SCMH1: variants seen among roughly 807,000 people sequenced by gnomAD.
The protein encoded by SCMH1 is Scm polycomb group protein homolog 1.
A neutral mutation model predicts 70.8 loss-of-function variants in SCMH1; 37 were observed. The ratio of observed to expected loss-of-function variants is 0.52; its 90% CI spans 0.40 to 0.69. The LOEUF (loss-of-function observed/expected upper bound fraction) is 0.69. SCMH1 is among the 30% of genes least tolerant of loss of function. SCMH1 has a pLI of 0.00. For synonymous variants in SCMH1, 292 were observed against 307.4 expected (o/e 0.95, Z 0.52); for missense variants, 607 against 827.3 (o/e 0.73, Z 3.27).
intron 9 of SCMH1, 68 bp from the exon 10 acceptor site, chr1:41,070,789 T>A: frequency 6.3e-7 from 1 of 1,577,858 alleles, no homozygotes; most frequent in Non-Finnish European, 8.6e-7. Flanking sequence ...TCTTGGCACT[T>A]AATTCACTCA....
chr1:41,049,509 C>A lies in SCMH1; in HGVS notation c.1106-619G>T, dbSNP rs1044524559. Among the ~76,000 whole-genome samples the A allele has an allele frequency of 2.0e-5, 3 of 151,546 alleles. No homozygotes were observed. In the East Asian group the frequency reaches 5.8e-4, roughly 29 times the overall value. On this transcript the variant is annotated intron_variant, in intron 10 of 14. Transcript: ENST00000337495. ...AAGTTGGGCTGGGCGTGGTGGCTCA[C>A]GCCTGTAATCCCAGCACTTTGGGAG...
intron 13 of SCMH1, 151 bp downstream of exon 14, chr1:41,033,832 G>T (rs183644890): frequency 1.9e-6 from 2 of 1,027,478 alleles, no homozygotes; most frequent in Admixed American, 2.3e-5. Context: ...CTGGCAGACA[G>T]ACTCATGGTG....
intron 1 of SCMH1, among the ~76,000 whole-genome samples, chr1:41,216,234 T>A (rs976716927): frequency 2.0e-5 from 3 of 152,210 alleles, no homozygotes; most frequent in Admixed American, 1.3e-4. Flanking sequence ...TTATGGAGCA[T>A]CTTCTAAGAG....
intron 13 of SCMH1, 106 bp downstream of exon 13, chr1:41,037,256 G>T: frequency 1.7e-6 from 2 of 1,159,274 alleles, no homozygotes; most frequent in African/African-American, 1.5e-5. Context: ...CCCACCACCA[G>T]GCAGAGGGCA....
At chr1:41,069,307 G>A (rs769210877) in intron 10 of SCMH1, among the ~76,000 whole-genome samples, 15 of 152,170 alleles carry the variant, frequency 9.9e-5, no homozygotes, top group Non-Finnish European at 1.9e-4. Flanking sequence ...ATCTTCTAGA[G>A]TGGGTAGTCA....
chr1:41,083,920 C>G (rs969072233), intron 8 of SCMH1, among the ~76,000 whole-genome samples: 1 of 152,060 alleles, frequency 6.6e-6, no homozygotes, highest in Non-Finnish European at 1.5e-5. Flanking sequence ...ACTGGCTGGC[C>G]GTATGTAGAA....
At chr1:41,065,263 G>T (rs1050391350) in intron 10 of SCMH1, among the ~76,000 whole-genome samples, 4 of 152,144 alleles carry the variant, frequency 2.6e-5, no homozygotes, top group African/African-American at 7.2e-5. Flanking sequence ...TGGGAAGACT[G>T]CATGAGCCCA....
chr1:41,182,910 C>T (rs1047237053), intron 2 of SCMH1, among the ~76,000 whole-genome samples: 1 of 152,032 alleles, frequency 6.6e-6, no homozygotes, highest in African/African-American at 2.4e-5. Context: ...AGGCAACTGT[C>T]CCAAAATAAA....
chr1:41,116,693 G>A (rs967151674), intron 7 of SCMH1, among the ~76,000 whole-genome samples: 6 of 152,066 alleles, frequency 3.9e-5, no homozygotes, highest in Admixed American at 6.6e-5. Flanking sequence ...TAACAAGCCC[G>A]ACAGGTAAAC....
chr1:41,153,765 A>C (rs1052463047), intron 4 of SCMH1, among the ~76,000 whole-genome samples: 3 of 152,162 alleles, frequency 2.0e-5, no homozygotes, highest in Non-Finnish European at 4.4e-5. Context: ...CCTTATTATC[A>C]GGTGAATTGC....
intron 1 of SCMH1, among the ~76,000 whole-genome samples, chr1:41,186,895 T>C (rs1017329284): frequency 6.6e-6 from 1 of 152,114 alleles, no homozygotes; most frequent in Non-Finnish European, 1.5e-5. Flanking sequence ...TTTGAGGATA[T>C]AAATTTCTAT....
Position 41,059,387 on chromosome 1 carries a change from GAGA to G in SCMH1, c.1106-10500_1106-10498del, listed in dbSNP as rs570154165. On this transcript the variant is annotated intron_variant, in intron 10 of 14. Transcript: ENST00000337495. ...AGAAGAGTGGCAGAATGGCACAGCA[GAGA>G]AGGAGGGAAGAGAAGGAGCATCTGA... is the stretch of plus-strand genomic sequence containing the variant. Among the ~76,000 whole-genome samples the G allele has an allele frequency of 6.6e-5, 10 of 152,316 alleles. No homozygotes were observed. The East Asian group carries it at 1.9e-3, about 29-fold the overall frequency.
chr1:41,224,372 A>G, intron 1 of SCMH1, among the ~76,000 whole-genome samples: 1 of 152,226 alleles, frequency 6.6e-6, no homozygotes, highest in East Asian at 1.9e-4. Context: ...TGAATAGTTG[A>G]AATGAAATGT....
intron 12 of SCMH1, among the ~76,000 whole-genome samples, chr1:41,040,440 A>G (rs1385004647): frequency 6.6e-6 from 1 of 152,192 alleles, no homozygotes; most frequent in Non-Finnish European, 1.5e-5. Context: ...GTCCGGAGAA[A>G]AGTCAAGGGA....
chr1:41,212,665 C>T (rs1449167358), intron 1 of SCMH1, among the ~76,000 whole-genome samples: 1 of 152,118 alleles, frequency 6.6e-6, no homozygotes, highest in Non-Finnish European at 1.5e-5. Flanking sequence ...AAACCAACCA[C>T]CCCAAGCTCA....
intron 1 of SCMH1, among the ~76,000 whole-genome samples, chr1:41,217,812 A>G (rs1054078561): frequency 6.6e-5 from 10 of 152,244 alleles, no homozygotes; most frequent in Admixed American, 5.9e-4. Context: ...TCCAGAGGAC[A>G]GAGAATCAAG....
chr1:41,175,549 G>C (rs778330233), intron 2 of SCMH1, among the ~76,000 whole-genome samples: 6 of 152,066 alleles, frequency 3.9e-5, no homozygotes, highest in Non-Finnish European at 7.4e-5. Flanking sequence ...TTTCTGTTTT[G>C]GGGGAGAACC....
chr1:41,140,692 T>C (rs528581291), intron 6 of SCMH1, among the ~76,000 whole-genome samples: 1 of 152,274 alleles, frequency 6.6e-6, no homozygotes, highest in African/African-American at 2.4e-5. Flanking sequence ...CTGATTATGG[T>C]CTCTAAATAC....
chr1:41,074,065 CAGAAG>C (rs1367164031), intron 9 of SCMH1, among the ~76,000 whole-genome samples: 1 of 146,398 alleles, frequency 6.8e-6, no homozygotes, highest in East Asian at 2.0e-4. Context: ...AAGCTGCTGA[CAGAAG>C]TCTTTTTTTT....
Sources: allele counts gnomAD v4.1 joint callset (sites outside exome capture counted in the v4.1 genomes callset), GRCh38; gene constraint gnomAD v4.1.1; transcripts MANE v1.5; gene names NCBI Gene and HGNC (gene_info 2026-07-23, HGNC 2026-07-21).